The following CDH18 variants were observed in gnomAD, a reference collection of about 807,000 sequenced individuals.
The protein encoded by CDH18 is cadherin-18.
Under a neutral mutation model 67.9 loss-of-function variants are expected in CDH18, and 31 were observed. The ratio of observed to expected loss-of-function variants is 0.46; its 90% CI spans 0.34 to 0.62. The LOEUF is 0.62. CDH18 is among the 20% of genes least tolerant of loss of function. The probability of loss-of-function intolerance (pLI) is 0.01; values close to 1 mark genes in which losing one functional copy is unlikely to be tolerated. For synonymous variants in CDH18, 362 were observed against 347.2 expected (o/e 1.04, Z -0.48); for missense variants, 890 against 975.5 (o/e 0.91, Z 1.17).
At chr5:20,289,223 C>T (rs1382530975) in intron 1 of CDH18, among the ~76,000 whole-genome samples, 2 of 151,968 alleles carry the variant, frequency 1.3e-5, no homozygotes, top group Non-Finnish European at 2.9e-5. Flanking sequence ...TATATAGTAA[C>T]TCATTTAATA....
intron 1 of CDH18, among the ~76,000 whole-genome samples, chr5:20,529,816 T>C (rs1756290948): frequency 6.6e-6 from 1 of 152,008 alleles, no homozygotes; most frequent in Non-Finnish European, 1.5e-5. Flanking sequence ...ACATTCCCCT[T>C]GAAAACCGGC....
intron 9 of CDH18, among the ~76,000 whole-genome samples, chr5:19,525,279 A>G (rs1202931531): frequency 2.0e-5 from 3 of 152,180 alleles, no homozygotes; most frequent in African/African-American, 7.2e-5. Context: ...ACTTGGGCAC[A>G]GGAAGCTAAA....
intron 5 of CDH18, among the ~76,000 whole-genome samples, chr5:19,706,977 G>A (rs1409426293): frequency 6.6e-6 from 1 of 152,218 alleles, no homozygotes; most frequent in Non-Finnish European, 1.5e-5. Flanking sequence ...TGTAAAGACA[G>A]AAGCAGAGCA....
At chr5:19,743,537 A>G (rs181142311) in intron 4 of CDH18, among the ~76,000 whole-genome samples, 515 of 152,280 alleles carry the variant, frequency 3.4e-3, no homozygotes, top group South Asian at 5.8e-3. Flanking sequence ...GTGTTTCAAT[A>G]AAAGCACAAA....
intron 7 of CDH18, among the ~76,000 whole-genome samples, chr5:19,585,227 T>C (rs72737496): frequency 0.012 from 1,842 of 152,290 alleles, 23 homozygotes; most frequent in South Asian, 0.034. Context: ...AGACCTCTAA[T>C]TAATTGTAGC....
At chr5:20,436,593 G>T (rs1580994763) in intron 1 of CDH18, among the ~76,000 whole-genome samples, 2 of 151,054 alleles carry the variant, frequency 1.3e-5, no homozygotes, top group East Asian at 3.9e-4. Context: ...TTTAATGCAA[G>T]TATTTCTTAA....
At chr5:20,300,847 T>A (rs941729170) in intron 1 of CDH18, among the ~76,000 whole-genome samples, 7 of 151,916 alleles carry the variant, frequency 4.6e-5, no homozygotes, top group African/African-American at 1.7e-4. Context: ...TTTTAAAACA[T>A]AGCATTTTCC....
At chr5:19,752,483 C>T (rs1468043760) in intron 3 of CDH18, among the ~76,000 whole-genome samples, 1 of 152,064 alleles carries the variant, frequency 6.6e-6, no homozygotes, top group Non-Finnish European at 1.5e-5. Context: ...CTCCATTGAC[C>T]TGGAAATCTT....
intron 5 of CDH18, among the ~76,000 whole-genome samples, chr5:19,692,328 A>C (rs1761998524): frequency 6.6e-6 from 1 of 152,150 alleles, no homozygotes; most frequent in East Asian, 1.9e-4. Context: ...CTAGGCCAAA[A>C]TTTTATGGCT....
intron 2 of CDH18, among the ~76,000 whole-genome samples, chr5:20,128,782 A>T (rs746657240): frequency 6.6e-6 from 1 of 152,130 alleles, no homozygotes; most frequent in Non-Finnish European, 1.5e-5. Context: ...TAAGAAACAT[A>T]TAAGATCTTA....
Position 20,501,594 on chromosome 5 carries a change from T to A in CDH18, c.-580+73868A>T, listed in dbSNP as rs978963418. 8.2e-4 allele frequency among the ~76,000 whole-genome samples: 29 copies of A among 35,276 alleles called. 1 individual carries two copies. The highest frequency in any genetic ancestry group is 1.5e-3 in the African/African-American group (13 of 8,958). The allele number at this position is 35,276 out of a possible 152,430, so 23.1% of individuals were successfully genotyped here. On this transcript the variant is annotated intron_variant, in intron 1 of 14. Coordinates refer to the CDH18 transcript ENST00000507958. ...AATATATATATATTATATATATATA[T>A]TATATATATATATATATATATGGAG... is the stretch of plus-strand genomic sequence containing the variant.
chr5:19,602,366 C>A (rs1220425112), intron 6 of CDH18, among the ~76,000 whole-genome samples: 1 of 151,828 alleles, frequency 6.6e-6, no homozygotes, highest in Non-Finnish European at 1.5e-5. Flanking sequence ...AGGAATAAAT[C>A]TAACAAAAAA....
chr5:19,909,300 CTT>C (rs11352062), intron 2 of CDH18, among the ~76,000 whole-genome samples: 10,681 of 130,354 alleles, frequency 0.082, 467 homozygotes, highest in South Asian at 0.17. Flanking sequence ...GTTTCCTTCA[CTT>C]TTTTTTTTTT....
At chr5:20,400,635 G>A (rs35887342) in intron 1 of CDH18, among the ~76,000 whole-genome samples, 70,610 of 148,476 alleles carry the variant, frequency 0.48, 18,269 homozygotes, top group Middle Eastern at 0.6. Context: ...GGTGGCACAC[G>A]CCTGTAATCC....
chr5:20,159,387 TG>T (rs1336033149), intron 2 of CDH18, among the ~76,000 whole-genome samples: 1 of 152,172 alleles, frequency 6.6e-6, no homozygotes, highest in African/African-American at 2.4e-5. Flanking sequence ...AGGAGGAATC[TG>T]GGATGAAAAT....
intron 1 of CDH18, among the ~76,000 whole-genome samples, chr5:20,467,046 A>G (rs1751679799): frequency 6.6e-6 from 1 of 152,114 alleles, no homozygotes; most frequent in Non-Finnish European, 1.5e-5. Flanking sequence ...ACTTCAAAAC[A>G]TAAGAACTGG....
At chr5:20,434,875 A>C (rs1394432740) in intron 1 of CDH18, among the ~76,000 whole-genome samples, 5 of 152,062 alleles carry the variant, frequency 3.3e-5, no homozygotes, top group African/African-American at 1.2e-4. Context: ...CTCCTTCCCT[A>C]CTGACAACTA....
At chr5:19,859,252 C>T (rs955556308) in intron 2 of CDH18, among the ~76,000 whole-genome samples, 1 of 152,168 alleles carries the variant, frequency 6.6e-6, no homozygotes, top group Admixed American at 6.6e-5. Flanking sequence ...AATTCAGGCA[C>T]AGTTGGGTAG....
intron 1 of CDH18, among the ~76,000 whole-genome samples, chr5:20,406,423 G>A (rs865976189): frequency 1.5e-4 from 22 of 151,560 alleles, no homozygotes; most frequent in African/African-American, 5.4e-4. Flanking sequence ...TCACACCCCG[G>A]GGCCTGTTGT....
Sources: gnomAD v4.1 joint callset for allele counts (sites outside exome capture counted in the v4.1 genomes callset) on GRCh38, gnomAD v4.1.1 for gene constraint, MANE v1.5 for transcripts, NCBI Gene and HGNC (gene_info 2026-07-23, HGNC 2026-07-21) for gene names.